The following CHST7 variants were observed in gnomAD, a reference collection of about 807,000 sequenced individuals.
CHST7 encodes N-acetylglucosamine 6-O-sulfotransferase 4.
A neutral mutation model predicts 9.0 loss-of-function variants in CHST7; 5 were observed. The ratio of observed to expected loss-of-function variants is 0.56; its 90% CI spans 0.29 to 1.17. The LOEUF (loss-of-function observed/expected upper bound fraction) is 1.17, where lower values mean the gene tolerates loss of function less well. Among genes scored for constraint, CHST7 ranks in the 50% most tolerant of loss-of-function variants. The pLI is 0.08. For missense variants in CHST7, 377 were observed against 485.1 expected (o/e 0.78, Z 2.09); for synonymous variants, 244 against 237.1 (o/e 1.03, Z -0.27).
At chrX:46,580,185 G>A (rs985872277) in intron 1 of CHST7, among the ~76,000 whole-genome samples, 1 of 108,639 alleles carries the variant, frequency 9.2e-6, no homozygotes, top group African/African-American at 3.4e-5. Flanking sequence ...AGCCTCCCCA[G>A]TAGCTGGGAC....
Position 46,575,103 on chromosome X carries a change from G to A in CHST7, c.1172G>A (p.Arg391His), listed in dbSNP as rs1269676728. Residue 391 changes from arginine to histidine, a missense_variant, in exon 1 of 2, where the codon CGC (arginine) becomes CAC (histidine). Physicochemically the swap from Arg to His is conservative, Grantham distance 29. Transcript: ENST00000276055. Reference protein sequence around the residue: ...QPRAQLRRLLRFSGLRALAAL... With the variant: ...QPRAQLRRLLHFSGLRALAAL... ...CGCGCCCAGCTGCGCCGCCTGCTGC[G>A]CTTCTCCGGGCTACGCGCGCTCGCA... 3.6e-6 allele frequency: 4 copies of A among 1,113,938 alleles called. No individual in the cohort carries two copies. The highest frequency in any genetic ancestry group is 3.8e-5 in the East Asian group (1 of 26,490). 91.8% of individuals were successfully genotyped at this position (1,113,938 alleles called of 1,213,427 possible).
intron 1 of CHST7, among the ~76,000 whole-genome samples, chrX:46,582,416 A>G (rs1356023219): frequency 1.8e-5 from 2 of 112,076 alleles, no homozygotes; most frequent in African/African-American, 6.5e-5. Context: ...ACTTTCAACA[A>G]CATAGATTTG....
At chrX:46,595,507 T>TA (rs372570872) in intron 1 of CHST7, among the ~76,000 whole-genome samples, 6 of 111,227 alleles carry the variant, frequency 5.4e-5, no homozygotes, top group African/African-American at 2.0e-4. Flanking sequence ...TTTTTTTTTT[T>TA]AATTGTGGTG....
Position 46,574,306 on chromosome X carries a change from G to A in CHST7, c.375G>A (p.Pro125=). 1 of 1,211,417 alleles carries A rather than the reference G, an allele frequency of 8.3e-7. No homozygotes were observed. The highest frequency in any genetic ancestry group is 1.1e-6 in the Non-Finnish European group (1 of 895,236). ...TGGGCGAACTCTTTAACCAGCACCC[G>A]GACGTTTTCTACTTGTATGAGCCCA... ...SFLGELFNQH[P]DVFYLYEPMW... The change falls in exon 1 of 2, where the codon CCG becomes CCA. Residue 125 remains proline, a synonymous_variant. Transcript: ENST00000276055.
chrX:46,586,757 T>G (rs1942551452), intron 1 of CHST7, among the ~76,000 whole-genome samples: 1 of 109,804 alleles, frequency 9.1e-6, no homozygotes, highest in East Asian at 2.8e-4. Context: ...TTTTTTGAGA[T>G]GGAGTTTCAC....
At chrX:46,579,956 C>T (rs1183241733) in intron 1 of CHST7, among the ~76,000 whole-genome samples, 6 of 110,994 alleles carry the variant, frequency 5.4e-5, no homozygotes, top group Non-Finnish European at 1.1e-4. Flanking sequence ...CACGCCACTG[C>T]GCTCTAGTCT....
chrX:46,586,743 G>GT (rs1308063311), intron 1 of CHST7, among the ~76,000 whole-genome samples: 21 of 104,811 alleles, frequency 2.0e-4, no homozygotes, highest in East Asian at 6.0e-4. Flanking sequence ...TTTTTTTTTT[G>GT]TTTTTTTTTG....
chrX:46,576,150 C>G (rs1942498395), intron 1 of CHST7, among the ~76,000 whole-genome samples: 1 of 102,002 alleles, frequency 9.8e-6, no homozygotes, highest in Admixed American at 1.1e-4. Flanking sequence ...CCCCCTCCTT[C>G]CCTCTCTCAT....
intron 1 of CHST7, among the ~76,000 whole-genome samples, chrX:46,596,373 G>A (rs771451892): frequency 9.1e-6 from 1 of 110,372 alleles, no homozygotes; most frequent in Admixed American, 9.7e-5. Flanking sequence ...CCTGCCCTTA[G>A]ATCAAACTCC....
rs754417837 is a variant in CHST7 at position 46,574,722 on chromosome X, T to G, written c.791T>G (p.Leu264Trp). The G allele has an allele frequency of 6.0e-5, 73 of 1,208,547 alleles. No individual in the cohort carries two copies. Among genetic ancestry groups the G allele is most frequent in the Non-Finnish European group, 7.9e-5 (71 of 894,219 alleles). The change falls in exon 1 of 2, where the codon TTG (leucine) becomes TGG (tryptophan). Residue 264 changes from leucine (L) to tryptophan (W), a missense_variant. Around this residue, in one of 3 missense-constraint regions of CHST7, gnomAD observed 239 missense variants for 325.7 expected, o/e 0.73. Coordinates refer to ENST00000276055, the MANE Select transcript of CHST7 (RefSeq NM_019886.4). ...LLDLGVLVPL[L>W]RDPGLNLKVV... ...GATCTGGGCGTGCTGGTGCCCCTGT[T>G]GCGTGATCCAGGCCTCAACCTGAAG...
At chrX:46,587,821 G>A (rs888753542) in intron 1 of CHST7, among the ~76,000 whole-genome samples, 2 of 112,204 alleles carry the variant, frequency 1.8e-5, no homozygotes, top group Non-Finnish European at 3.8e-5. Context: ...CTTAACCTGG[G>A]TTAACAGATA....
intron 1 of CHST7, among the ~76,000 whole-genome samples, chrX:46,594,113 G>A (rs1942583423): frequency 8.9e-6 from 1 of 112,027 alleles, no homozygotes; most frequent in African/African-American, 3.2e-5. Context: ...CTTTCTCTGG[G>A]GAAGAACTTT....
intron 1 of CHST7, among the ~76,000 whole-genome samples, chrX:46,588,474 C>T (rs187488450): frequency 2.8e-4 from 31 of 111,391 alleles, no homozygotes; most frequent in South Asian, 1.9e-3. Flanking sequence ...ATGCTAAAAG[C>T]GCGTCTTCCT....
chrX:46,594,784 T>A (rs1942586558), intron 1 of CHST7, among the ~76,000 whole-genome samples: 1 of 111,671 alleles, frequency 9.0e-6, no homozygotes, highest in Non-Finnish European at 1.9e-5. Flanking sequence ...CTCAAGTTCT[T>A]GAATCTGTAA....
At chrX:46,588,083 T>G (rs1430393408) in intron 1 of CHST7, among the ~76,000 whole-genome samples, 1 of 111,940 alleles carries the variant, frequency 8.9e-6, no homozygotes, top group Non-Finnish European at 1.9e-5. Context: ...TTAGCATCTG[T>G]GAAGTAGTTT....
At chrX:46,582,785 T>C (rs1321584057) in intron 1 of CHST7, among the ~76,000 whole-genome samples, 1 of 111,200 alleles carries the variant, frequency 9.0e-6, no homozygotes, top group Non-Finnish European at 1.9e-5. Context: ...ATAAACAATT[T>C]GGGGACCCTA....
rs1942490899 is a variant in CHST7 at position 46,575,055 on chromosome X, A to G, written c.1124A>G (p.Tyr375Cys). Residue 375 changes from tyrosine (Y) to cysteine (C), a missense_variant, in exon 1 of 2, where the codon TAT (tyrosine) becomes TGT (cysteine). Tyr to Cys is a radical substitution (Grantham distance 194). Coordinates refer to ENST00000276055, the MANE Select transcript of CHST7 (RefSeq NM_019886.4). ...CGGCGCCGCTACCTGAGGCTGCGCT[A>G]TGAGGACCTGGTGCGGCAGCCACGC... ...WLRRRYLRLR[Y>C]EDLVRQPRAQ... The G allele has an allele frequency of 8.8e-6, 10 of 1,134,003 alleles. No individual in the cohort carries two copies. Among genetic ancestry groups the G allele is most frequent in the Non-Finnish European group, 1.2e-5 (10 of 866,768 alleles). 93.5% of individuals were successfully genotyped at this position (1,134,003 alleles called of 1,213,427 possible).
At position 46,575,036 on chromosome X, in the gene CHST7, C is replaced by T; in HGVS notation, c.1105C>T (p.Arg369Cys). The change falls in exon 1 of 2, where the codon CGC (arginine) becomes TGC (cysteine). Residue 369 changes from arginine (R) to cysteine (C), a missense_variant. Arg to Cys is a radical substitution (Grantham distance 180). Transcript: ENST00000276055. ...ARGAPAWLRRRYLRLRYEDLV... is the reference protein window; with the variant it reads ...ARGAPAWLRRCYLRLRYEDLV... Reference sequence around the variant, plus strand: ...CGGCGCGCCCGCCTGGCTGCGGCGCCGCTACCTGAGGCTGCGCTATGAGGA... The same window carrying T: ...CGGCGCGCCCGCCTGGCTGCGGCGCTGCTACCTGAGGCTGCGCTATGAGGA... 2 of 1,127,995 alleles carry T rather than the reference C, an allele frequency of 1.8e-6. No individual in the cohort carries two copies. The highest frequency in any genetic ancestry group is 1.2e-6 in the Non-Finnish European group (1 of 866,118). The allele number at this position is 1,127,995 out of a possible 1,213,427, so 93.0% of individuals were successfully genotyped here.
At position 46,575,427 on chromosome X, in the gene CHST7, A is replaced by G; in HGVS notation, c.*31+4A>G. The G allele has an allele frequency of 2.0e-6, 2 of 1,014,843 alleles. No homozygotes were observed. The highest frequency in any genetic ancestry group is 2.5e-6 in the Non-Finnish European group (2 of 802,649). 83.6% of individuals were successfully genotyped at this position (1,014,843 alleles called of 1,213,427 possible). On this transcript the variant is annotated splice_donor_region_variant and intron_variant, in intron 1 of 1. Coordinates refer to ENST00000276055, the MANE Select transcript of CHST7 (RefSeq NM_019886.4). ...CCTGTCCCCGGCACGGATCCGGGTA[A>G]GGTGGCCCGGGGCAAGGCAGGGACC...
Sources: gnomAD v4.1 joint callset for allele counts (sites outside exome capture counted in the v4.1 genomes callset) on GRCh38, gnomAD v4.1.1 for gene constraint, gnomAD v4.1.1 regional missense constraint, MANE v1.5 for transcripts, NCBI Gene and HGNC (gene_info 2026-07-23, HGNC 2026-07-21) for gene names.